Variants in NRG1 observed in about 807,000 individuals in gnomAD.
NRG1 encodes neuregulin 1, also known as pro-neuregulin-1, membrane-bound isoform.
A neutral mutation model predicts 63.8 loss-of-function variants in NRG1; 18 were observed. The observed-to-expected ratio is 0.28, with a 90% CI of 0.19 to 0.42. The LOEUF is 0.42. Ranked by LOEUF, NRG1 falls within the 10% of genes least tolerant of loss-of-function variation. The probability of loss-of-function intolerance (pLI) is 1.00; values close to 1 mark genes in which losing one functional copy is unlikely to be tolerated. For missense variants in NRG1, 762 were observed against 814.7 expected, an observed-to-expected ratio of 0.94 and a Z score of 0.79; for synonymous variants, 302 against 301.3, an observed-to-expected ratio of 1.00 and a Z score of -0.02.
intron 1 of NRG1, among the ~76,000 whole-genome samples, chr8:32,420,989 G>T (rs1002208743): frequency 2.0e-5 from 3 of 152,116 alleles, no homozygotes; most frequent in African/African-American, 7.2e-5. Flanking sequence ...TGTGAAGAGG[G>T]TGCCTGCTTC....
chr8:32,033,884 T>C (rs1484387689), intron 1 of NRG1, among the ~76,000 whole-genome samples: 2 of 152,212 alleles, frequency 1.3e-5, no homozygotes, highest in East Asian at 3.8e-4. Context: ...TAGGGTCATG[T>C]CATCTACAGA....
chr8:31,974,421 C>T (rs1586188456), intron 1 of NRG1, among the ~76,000 whole-genome samples: 1 of 152,198 alleles, frequency 6.6e-6, no homozygotes. Context: ...CCTCCTCCCA[C>T]CTGGTATGAA....
intron 1 of NRG1, among the ~76,000 whole-genome samples, chr8:32,014,188 T>C (rs990213354): frequency 4.6e-5 from 7 of 152,178 alleles, no homozygotes; most frequent in African/African-American, 1.7e-4. Flanking sequence ...TCTATGAGCA[T>C]GGGATGTTTT....
chr8:32,417,143 A>G (rs565638721), intron 1 of NRG1, among the ~76,000 whole-genome samples: 1 of 152,274 alleles, frequency 6.6e-6, no homozygotes, highest in Admixed American at 6.5e-5. Flanking sequence ...CACTATTAAT[A>G]TTACTAGAGA....
intron 1 of NRG1, among the ~76,000 whole-genome samples, chr8:31,808,890 TTC>T (rs946749437): frequency 8.5e-5 from 13 of 152,120 alleles, no homozygotes; most frequent in Non-Finnish European, 1.8e-4. Flanking sequence ...TGTGTTGTCT[TTC>T]TCTTTCTTGG....
chr8:32,116,063 T>C (rs1017812524), intron 1 of NRG1, among the ~76,000 whole-genome samples: 1 of 152,144 alleles, frequency 6.6e-6, no homozygotes, highest in Non-Finnish European at 1.5e-5. Context: ...AGAAAGATGA[T>C]ATTAATGTAT....
At chr8:32,166,683 C>T (rs1466997598) in intron 1 of NRG1, among the ~76,000 whole-genome samples, 1 of 152,178 alleles carries the variant, frequency 6.6e-6, no homozygotes, top group African/African-American at 2.4e-5. Context: ...AATTGAGCTG[C>T]TGTTGCTTCA....
intron 1 of NRG1, among the ~76,000 whole-genome samples, chr8:31,959,794 A>ATTTATTTAT (rs370990011): frequency 8.2e-6 from 1 of 122,314 alleles, no homozygotes; most frequent in Non-Finnish European, 1.6e-5. Flanking sequence ...TTATTTATTT[A>ATTTATTTAT]TTATTTATTT....
At chr8:32,210,198 T>C (rs1038127523) in intron 1 of NRG1, among the ~76,000 whole-genome samples, 3 of 152,054 alleles carry the variant, frequency 2.0e-5, no homozygotes, top group African/African-American at 7.2e-5. Context: ...CCCAAAGAGG[T>C]TTTTTTGTGT....
intron 1 of NRG1, among the ~76,000 whole-genome samples, chr8:32,284,392 T>C (rs1301043467): frequency 6.6e-6 from 1 of 152,088 alleles, no homozygotes. Context: ...GCCAATCTCT[T>C]TCCCCTACCA....
intron 1 of NRG1, among the ~76,000 whole-genome samples, chr8:32,335,974 C>T (rs893783285): frequency 6.7e-6 from 1 of 149,572 alleles, no homozygotes; most frequent in Non-Finnish European, 1.5e-5. Flanking sequence ...CACCTACCCT[C>T]ACTCTCCACC....
intron 1 of NRG1, among the ~76,000 whole-genome samples, chr8:32,365,645 A>C (rs1270412148): frequency 6.6e-6 from 1 of 152,152 alleles, no homozygotes; most frequent in Non-Finnish European, 1.5e-5. Flanking sequence ...TTTAGACTTC[A>C]TGGATGATAC....
intron 1 of NRG1, among the ~76,000 whole-genome samples, chr8:32,301,013 A>G (rs1255065515): frequency 6.6e-6 from 1 of 152,192 alleles, no homozygotes; most frequent in East Asian, 1.9e-4. Flanking sequence ...AAATGTTACA[A>G]ATGCCTCCAT....
intron 1 of NRG1, among the ~76,000 whole-genome samples, chr8:31,980,009 A>G (rs992631037): frequency 6.6e-6 from 1 of 152,094 alleles, no homozygotes; most frequent in Non-Finnish European, 1.5e-5. Context: ...ATTTTATTTA[A>G]CTTTCAAGAC....
At chr8:32,664,167 A>G (rs1339089368) in intron 5 of NRG1, among the ~76,000 whole-genome samples, 3 of 152,300 alleles carry the variant, frequency 2.0e-5, no homozygotes, top group Admixed American at 6.5e-5. Flanking sequence ...GAGTAGTAGA[A>G]TTGAGAGAGA....
intron 1 of NRG1, among the ~76,000 whole-genome samples, chr8:32,531,044 G>C (rs1221170198): frequency 6.6e-6 from 1 of 152,092 alleles, no homozygotes; most frequent in Non-Finnish European, 1.5e-5. Flanking sequence ...GTTGCAGTGA[G>C]CAGAGACTAT....
At chr8:32,127,528 C>CGTTTGTGT (rs1554633399) in intron 1 of NRG1, among the ~76,000 whole-genome samples, 1 of 146,278 alleles carries the variant, frequency 6.8e-6, no homozygotes, top group Non-Finnish European at 1.5e-5. Flanking sequence ...TGTATCTGCA[C>CGTTTGTGT]GTGTGTGTGT....
intron 1 of NRG1, among the ~76,000 whole-genome samples, chr8:32,075,948 C>G (rs1381496917): frequency 6.6e-6 from 1 of 152,198 alleles, no homozygotes; most frequent in African/African-American, 2.4e-5. Flanking sequence ...GCTGGGATTA[C>G]AGGCATGAAC....
chr8:32,153,382 G>A (rs2131842991), intron 1 of NRG1, among the ~76,000 whole-genome samples: 1 of 152,288 alleles, frequency 6.6e-6, no homozygotes, highest in South Asian at 2.1e-4. Context: ...CAGAAAGCAA[G>A]GAGAGAAAGA....
Sources: allele counts gnomAD v4.1 joint callset (sites outside exome capture counted in the v4.1 genomes callset), GRCh38; gene constraint gnomAD v4.1.1; transcripts MANE v1.5; gene names NCBI Gene and HGNC (gene_info 2026-07-23, HGNC 2026-07-21).